CDH4: variants seen among roughly 807,000 people sequenced by gnomAD.
CDH4 encodes cadherin-4.
CDH4 carries 33 observed loss-of-function variants against 86.0 expected under a neutral mutation model. The ratio of observed to expected loss-of-function variants is 0.38; its 90% CI spans 0.29 to 0.51. The LOEUF (loss-of-function observed/expected upper bound fraction) is 0.51. CDH4 is among the 20% of genes least tolerant of loss of function. CDH4 has a pLI of 0.86. For missense variants in CDH4, 1,114 were observed against 1,307.4 expected (o/e 0.85, Z 2.28); for synonymous variants, 555 against 549.4 (o/e 1.01, Z -0.14).
At chr20:61,295,753 G>C (rs1339409986) in intron 2 of CDH4, among the ~76,000 whole-genome samples, 1 of 152,182 alleles carries the variant, frequency 6.6e-6, no homozygotes, top group Non-Finnish European at 1.5e-5. Flanking sequence ...TGGCCAGGCA[G>C]ACCCCTGTCC....
chr20:61,800,468 T>C (rs547437995), intron 4 of CDH4, among the ~76,000 whole-genome samples: 2 of 152,346 alleles, frequency 1.3e-5, no homozygotes, highest in East Asian at 3.9e-4. Flanking sequence ...CCACGGGGGA[T>C]GGTGCTTCTC....
intron 2 of CDH4, among the ~76,000 whole-genome samples, chr20:61,569,587 T>C (rs955821959): frequency 1.3e-5 from 2 of 152,234 alleles, no homozygotes; most frequent in African/African-American, 4.8e-5. Context: ...TGGGATATAC[T>C]TTAACTACAA....
At chr20:61,814,448 C>T (rs748197334) in intron 4 of CDH4, among the ~76,000 whole-genome samples, 13 of 152,276 alleles carry the variant, frequency 8.5e-5, no homozygotes, top group African/African-American at 1.2e-4. Flanking sequence ...TGCGGCCGCT[C>T]GACGACGATC....
chr20:61,330,347 G>T (rs1032654913), intron 2 of CDH4, among the ~76,000 whole-genome samples: 1 of 152,192 alleles, frequency 6.6e-6, no homozygotes. Flanking sequence ...GTGTAAAAGT[G>T]TACCTGATTC....
At chr20:61,573,012 TGATGGATGGATG>T (rs1222153146) in intron 2 of CDH4, among the ~76,000 whole-genome samples, 127 of 131,354 alleles carry the variant, frequency 9.7e-4, no homozygotes, top group African/African-American at 3.7e-3. Flanking sequence ...ATGGATGGAT[TGATGGATGGATG>T]GATGGTTGGA....
rs1364715833 is a variant in CDH4, at chr20:61,807,932, T to C, written c.576+34750T>C. 6.6e-6 allele frequency among the ~76,000 whole-genome samples: 1 copy of C among 152,212 alleles called. No homozygotes were observed. The highest frequency in any genetic ancestry group is 1.5e-5 in the Non-Finnish European group (1 of 68,046). On this transcript the variant is annotated intron_variant, in intron 4 of 15. Coordinates refer to ENST00000614565, the MANE Select transcript of CDH4 (RefSeq NM_001794.5). The surrounding 1 kb of genome is among the most constrained non-coding windows in gnomAD (Gnocchi z 4.5). ...GGCACAGCGCGATCCAGCACAGTGC[T>C]GGGTGGTCTGGGTGCCGCCTCAGGG...
At chr20:61,507,968 T>C (rs982571190) in intron 2 of CDH4, among the ~76,000 whole-genome samples, 1 of 152,248 alleles carries the variant, frequency 6.6e-6, no homozygotes, top group Non-Finnish European at 1.5e-5. Context: ...AAAACGCCCA[T>C]GACCCCACCG....
chr20:61,870,970 G>A (rs979422409), intron 6 of CDH4, among the ~76,000 whole-genome samples: 78 of 152,104 alleles, frequency 5.1e-4, no homozygotes, highest in African/African-American at 1.8e-3. Context: ...GTTTATACAA[G>A]TCATATTCCT....
chr20:61,810,878 A>G lies in CDH4; in HGVS notation c.577-33790A>G, dbSNP rs941457873. Among the ~76,000 whole-genome samples, 1 of 152,200 alleles carries G rather than the reference A, an allele frequency of 6.6e-6. No individual in the cohort carries two copies. The highest frequency in any genetic ancestry group is 1.5e-5 in the Non-Finnish European group (1 of 68,048). On this transcript the variant is annotated intron_variant, in intron 4 of 15. Coordinates refer to ENST00000614565, the MANE Select transcript of CDH4 (RefSeq NM_001794.5). This position sits in a 1 kb window ranked among gnomAD's most constrained non-coding sequence, Gnocchi z 4.3. ...GGCCCGGCTTCTCCAGAACGCAGCCAGCACAGAGGGTATGGCCGCTCCAGG... is the reference window on the plus strand; with the variant it reads ...GGCCCGGCTTCTCCAGAACGCAGCCGGCACAGAGGGTATGGCCGCTCCAGG...
At chr20:61,820,481 A>T (rs1434759502) in intron 4 of CDH4, among the ~76,000 whole-genome samples, 1 of 152,218 alleles carries the variant, frequency 6.6e-6, no homozygotes, top group Non-Finnish European at 1.5e-5. Context: ...TCACCCAAGG[A>T]GGCTCCTCAG....
At chr20:61,733,803 C>A (rs559899430) in intron 2 of CDH4, among the ~76,000 whole-genome samples, 2 of 152,218 alleles carry the variant, frequency 1.3e-5, no homozygotes, top group Admixed American at 1.3e-4. Context: ...CTCCTCAGCA[C>A]GGTCCCAGCT....
intron 8 of CDH4, among the ~76,000 whole-genome samples, chr20:61,897,322 C>A (rs925700521): frequency 3.9e-5 from 6 of 152,150 alleles, no homozygotes; most frequent in Non-Finnish European, 7.3e-5. Context: ...CCCTACCCCT[C>A]ATCTCTGGTC....
chr20:61,578,033 G>A (rs1438437120), intron 2 of CDH4, among the ~76,000 whole-genome samples: 1 of 152,118 alleles, frequency 6.6e-6, no homozygotes, highest in East Asian at 1.9e-4. Context: ...TGCCTGCCCA[G>A]CCAGGAAACC....
chr20:61,847,721 C>G (rs1287307311), intron 5 of CDH4, among the ~76,000 whole-genome samples: 3 of 152,114 alleles, frequency 2.0e-5, no homozygotes, highest in Non-Finnish European at 4.4e-5. Flanking sequence ...TCTGGGGAGG[C>G]CTCAGGAAGC....
intron 9 of CDH4, among the ~76,000 whole-genome samples, chr20:61,916,833 C>T (rs1370643857): frequency 6.6e-6 from 1 of 152,260 alleles, no homozygotes; most frequent in Non-Finnish European, 1.5e-5. Context: ...GCAGTGTGCT[C>T]TTTCCTTCTC....
intron 7 of CDH4, among the ~76,000 whole-genome samples, chr20:61,893,189 A>G (rs1984909193): frequency 3.8e-5 from 1 of 26,226 alleles, no homozygotes; most frequent in Non-Finnish European, 7.4e-5. Flanking sequence ...GTGGGTGGAT[A>G]AATGAATGGG....
intron 2 of CDH4, among the ~76,000 whole-genome samples, chr20:61,328,012 G>C (rs1462341604): frequency 6.6e-6 from 1 of 152,120 alleles, no homozygotes; most frequent in Non-Finnish European, 1.5e-5. Context: ...CTGTATGTTT[G>C]ATGATATTTG....
At chr20:61,632,850 A>ACCCTCCCT (rs2086905990) in intron 2 of CDH4, among the ~76,000 whole-genome samples, 1 of 54,196 alleles carries the variant, frequency 1.8e-5, no homozygotes. Flanking sequence ...CCACCCTCCC[A>ACCCTCCCT]CCCTCCCACC....
At chr20:61,620,918 G>A (rs1270545422) in intron 2 of CDH4, among the ~76,000 whole-genome samples, 1 of 152,252 alleles carries the variant, frequency 6.6e-6, no homozygotes, top group South Asian at 2.1e-4. Flanking sequence ...ACTGCTGAGA[G>A]GCGCTTCTTC....
Sources: allele counts gnomAD v4.1 joint callset (sites outside exome capture counted in the v4.1 genomes callset), GRCh38; gene constraint gnomAD v4.1.1; non-coding constraint Gnocchi (gnomAD v3.1); transcripts MANE v1.5; gene names NCBI Gene and HGNC (gene_info 2026-07-23, HGNC 2026-07-21).